Variants in RAD21L1 observed in about 807,000 individuals in gnomAD.
RAD21L1 encodes double-strand-break repair protein rad21-like protein 1.
Under a neutral mutation model 69.0 loss-of-function variants are expected in RAD21L1, and 47 were observed. That is an observed-to-expected ratio of 0.68 (90% CI 0.54 to 0.87). The LOEUF (loss-of-function observed/expected upper bound fraction) is 0.87. Among genes scored for constraint, RAD21L1 ranks in the 40% least tolerant of loss-of-function variants. The probability of loss-of-function intolerance (pLI) is 0.00; values close to 1 mark genes in which losing one functional copy is unlikely to be tolerated. For synonymous variants in RAD21L1, 177 were observed against 205.8 expected (o/e 0.86, Z 1.20); for missense variants, 583 against 647.6 (o/e 0.90, Z 1.08).
chr20:1,226,631 G>A lies in RAD21L1; in HGVS notation c.-33+491G>A, dbSNP rs541421862. ...TCCTCCCTCCCTTCGCTCCCTCCCC[G>A]CCACCGCCGCCACCCTGCCCTTTGC... On this transcript the variant is annotated intron_variant, in intron 1 of 13. Transcript: ENST00000683101. 7.9e-5 allele frequency among the ~76,000 whole-genome samples: 12 copies of A among 151,656 alleles called. No homozygotes were observed. The East Asian group carries it at 2.0e-3, about 25-fold the overall frequency.
intron 13 of RAD21L1, among the ~76,000 whole-genome samples, chr20:1,251,034 A>G (rs1372559691): frequency 6.6e-6 from 1 of 152,006 alleles, no homozygotes; most frequent in African/African-American, 2.4e-5. Context: ...GGGTGCTTTG[A>G]TCTTTCTTTA....
rs114073016 is a variant in RAD21L1, at chr20:1,254,167, C to T, written c.1480-102C>T. ...ATTTAAGGATTTTATAGTCATTTAT[C>T]CAAAATGTCAATATTTTGTTGTTTA... On this transcript the variant is annotated intron_variant, in intron 13 of 13. Transcript: ENST00000683101. The T allele has an allele frequency of 9.5e-6, 7 of 733,360 alleles. No individual in the cohort carries two copies. In the Admixed American group the frequency reaches 1.7e-4, roughly 17 times the overall value. 45.4% of individuals were successfully genotyped at this position (733,360 alleles called of 1,614,324 possible).
rs1046158401 is a variant in RAD21L1, at chr20:1,239,396, A to G, written c.731A>G (p.Asn244Ser). Reference sequence around the variant, plus strand: ...ATTTCCCTGCCTTCTGAGCCTCCCAATAGTTTAGCAGGTAGGTTGAAATTT... The same window carrying G: ...ATTTCCCTGCCTTCTGAGCCTCCCAGTAGTTTAGCAGGTAGGTTGAAATTT... ...REISLPSEPPNSLAVEPDNSE... is the reference protein window; with the variant it reads ...REISLPSEPPSSLAVEPDNSE... The change falls in exon 7 of 14, where the codon AAT becomes AGT. Residue 244 changes from asparagine to serine, a missense_variant. Coordinates refer to ENST00000683101, the MANE Select transcript of RAD21L1 (RefSeq NM_001384355.1). 9.7e-6 allele frequency: 15 copies of G among 1,540,490 alleles called. No homozygotes were observed. The highest frequency in any genetic ancestry group is 7.4e-5 in the East Asian group (3 of 40,800).
Position 1,243,054 on chromosome 20 carries a change from G to A in RAD21L1, c.1084-43G>A, listed in dbSNP as rs369975355. 265 of 1,225,424 alleles carry A rather than the reference G, an allele frequency of 2.2e-4. 2 individuals carry two copies. The South Asian group carries it at 3.6e-3, about 17-fold the overall frequency. The allele number at this position is 1,225,424 out of a possible 1,614,324, so 75.9% of individuals were successfully genotyped here. A position where few individuals can be genotyped will look rare whatever the true frequency, so the allele number is the denominator to read the frequency against. The stretch of plus-strand genomic sequence containing the variant: ...TGCTTGTGTTTTCTTGAATTGCTTT[G>A]CTGGTACAAAAACAAAAAAAACAAA... On this transcript the variant is annotated intron_variant, in intron 9 of 13. Transcript: ENST00000683101.
At chr20:1,228,242 A>G (rs2087305043) in intron 1 of RAD21L1, among the ~76,000 whole-genome samples, 180 bp from the exon 2 acceptor site, 1 of 152,236 alleles carries the variant, frequency 6.6e-6, no homozygotes, top group Admixed American at 6.5e-5. Flanking sequence ...GAGCTTTGTC[A>G]TTAGGTTATA....
chr20:1,238,265 T>A, intron 6 of RAD21L1, 51 bp downstream of exon 6: 1 of 1,197,454 alleles, frequency 8.4e-7, no homozygotes, highest in Non-Finnish European at 1.1e-6. Context: ...ATCAAATTAC[T>A]ACAATATATT....
At chr20:1,251,272 T>A (rs969958835) in intron 13 of RAD21L1, among the ~76,000 whole-genome samples, 35 of 152,132 alleles carry the variant, frequency 2.3e-4, no homozygotes, top group African/African-American at 5.8e-4. Flanking sequence ...TAGTTGGTGA[T>A]CCTTTGTAAG....
intron 13 of RAD21L1, among the ~76,000 whole-genome samples, chr20:1,249,592 C>T (rs2087786121): frequency 6.6e-6 from 1 of 152,140 alleles, no homozygotes; most frequent in African/African-American, 2.4e-5. Flanking sequence ...TTTAAGAGTA[C>T]AACCCAGAAA....
At chr20:1,228,327 C>A in intron 1 of RAD21L1, 95 bp from the exon 2 acceptor site, 2 of 565,538 alleles carry the variant, frequency 3.5e-6, no homozygotes, top group Non-Finnish European at 3.0e-6. Flanking sequence ...AGAACATAAT[C>A]TGAATGTTAT....
At chr20:1,253,040 G>A (rs906689150) in intron 13 of RAD21L1, among the ~76,000 whole-genome samples, 1 of 152,150 alleles carries the variant, frequency 6.6e-6, no homozygotes, top group African/African-American at 2.4e-5. Context: ...TCTCCCAGGG[G>A]GGAAAAGCCA....
At chr20:1,243,534 A>G (rs891650528) in intron 10 of RAD21L1, among the ~76,000 whole-genome samples, 3 of 152,218 alleles carry the variant, frequency 2.0e-5, no homozygotes, top group Non-Finnish European at 4.4e-5. Context: ...TAAAGTTTCA[A>G]TGTAAAACAA....
At chr20:1,250,400 C>T (rs983937313) in intron 13 of RAD21L1, among the ~76,000 whole-genome samples, 4 of 151,426 alleles carry the variant, frequency 2.6e-5, no homozygotes, top group Non-Finnish European at 5.9e-5. Context: ...CTATCCCTCC[C>T]GCTGTGTCCA....
chr20:1,235,533 T>C (rs544632422), intron 5 of RAD21L1, among the ~76,000 whole-genome samples: 1 of 152,318 alleles, frequency 6.6e-6, no homozygotes, highest in South Asian at 2.1e-4. Context: ...ATATATAAAA[T>C]TGCTCTGTCA....
chr20:1,230,416 G>A (rs2087365560), intron 3 of RAD21L1: 2 of 260,294 alleles, frequency 7.7e-6, no homozygotes, highest in Non-Finnish European at 1.2e-5. Flanking sequence ...CAAGCAGCTT[G>A]CTATTTATGA....
rs115856374 is a variant in RAD21L1 at position 1,235,432 on chromosome 20, T to C, written c.475+1241T>C. On this transcript the variant is annotated intron_variant, in intron 5 of 13. Coordinates refer to ENST00000683101, the MANE Select transcript of RAD21L1 (RefSeq NM_001384355.1). ...TCCATTTTCAATCTGTATTGTATTTTACTGTGTAAAATACAATAAAATGAA... is the reference window on the plus strand; with the variant it reads ...TCCATTTTCAATCTGTATTGTATTTCACTGTGTAAAATACAATAAAATGAA... Among the ~76,000 whole-genome samples the C allele has an allele frequency of 8.8e-3, 1,336 of 152,246 alleles. 22 individuals are homozygous for C. The highest frequency in any genetic ancestry group is 0.031 in the African/African-American group (1,275 of 41,532).
rs532408652 is a variant in RAD21L1 at position 1,242,430 on chromosome 20, G to A, written c.857-189G>A. Reference sequence around the variant, plus strand: ...GTATTTTTTGTAGAGACGGGGTTTAGCCATGTTGCCCAGGCTGGTCTTGAA... The same window carrying A: ...GTATTTTTTGTAGAGACGGGGTTTAACCATGTTGCCCAGGCTGGTCTTGAA... On this transcript the variant is annotated intron_variant, in intron 8 of 13. Transcript: ENST00000683101. Among the ~76,000 whole-genome samples the A allele has an allele frequency of 2.6e-5, 4 of 152,160 alleles. No homozygotes were observed. The East Asian group carries it at 5.8e-4, about 22-fold the overall frequency.
At chr20:1,238,806 G>A (rs1162910590) in intron 6 of RAD21L1, among the ~76,000 whole-genome samples, 3 of 151,940 alleles carry the variant, frequency 2.0e-5, no homozygotes, top group Non-Finnish European at 4.4e-5. Flanking sequence ...AAGTCCAAAT[G>A]CACATGTTTT....
chr20:1,239,109 G>T (rs2087555908), intron 6 of RAD21L1, among the ~76,000 whole-genome samples: 1 of 152,148 alleles, frequency 6.6e-6, no homozygotes, highest in Non-Finnish European at 1.5e-5. Context: ...TTATAGGAGT[G>T]AGCCACTGCG....
At chr20:1,236,182 C>T (rs2087491926) in intron 5 of RAD21L1, among the ~76,000 whole-genome samples, 1 of 152,066 alleles carries the variant, frequency 6.6e-6, no homozygotes, top group South Asian at 2.1e-4. Context: ...ATTTCCTTAG[C>T]CAGTGATATA....
Sources: gnomAD v4.1 joint callset for allele counts (sites outside exome capture counted in the v4.1 genomes callset) on GRCh38, gnomAD v4.1.1 for gene constraint, MANE v1.5 for transcripts, NCBI Gene and HGNC (gene_info 2026-07-23, HGNC 2026-07-21) for gene names.